The following SLC2A13 variants were observed in gnomAD, a reference collection of about 807,000 sequenced individuals.
SLC2A13 encodes the protein proton myo-inositol cotransporter.
Under a neutral mutation model 64.4 loss-of-function variants are expected in SLC2A13, and 32 were observed. That is an observed-to-expected ratio of 0.50 (90% confidence interval 0.37 to 0.67). SLC2A13 has a LOEUF of 0.67. SLC2A13 is among the 30% of genes least tolerant of loss of function. SLC2A13 has a pLI of 0.00. For missense variants in SLC2A13, 743 were observed against 829.2 expected (o/e 0.90, Z 1.28); for synonymous variants, 338 against 327.1 (o/e 1.03, Z -0.36).
intron 7 of SLC2A13, among the ~76,000 whole-genome samples, chr12:39,825,438 G>A (rs1275802262): frequency 6.6e-6 from 1 of 152,104 alleles, no homozygotes; most frequent in Non-Finnish European, 1.5e-5. Flanking sequence ...TATAAGAAGT[G>A]GACTTACTGG....
intron 1 of SLC2A13, among the ~76,000 whole-genome samples, chr12:40,085,777 C>T (rs1938570047): frequency 6.6e-6 from 1 of 152,124 alleles, no homozygotes; most frequent in Non-Finnish European, 1.5e-5. Context: ...CAAGCTCAAG[C>T]ATTAAGTGAC....
chr12:40,064,897 G>C (rs1937665234), intron 1 of SLC2A13, among the ~76,000 whole-genome samples: 1 of 151,978 alleles, frequency 6.6e-6, no homozygotes, highest in African/African-American at 2.4e-5. Context: ...TCATTTCAAA[G>C]AAAAATTATT....
intron 4 of SLC2A13, among the ~76,000 whole-genome samples, chr12:39,900,764 C>A (rs1271945319): frequency 6.6e-6 from 1 of 152,118 alleles, no homozygotes; most frequent in Non-Finnish European, 1.5e-5. Context: ...CCATACTGCC[C>A]AAGGTAATTT....
intron 3 of SLC2A13, among the ~76,000 whole-genome samples, chr12:39,987,989 T>C (rs1053173670): frequency 2.0e-5 from 3 of 152,166 alleles, no homozygotes; most frequent in South Asian, 2.1e-4. Context: ...AAATCATCAC[T>C]ATTAATTCTT....
At position 39,922,918 on chromosome 12, in the gene SLC2A13, A is replaced by G. The variant is rs144872718; in HGVS notation, c.1034+28339T>C. Among the ~76,000 whole-genome samples the G allele has an allele frequency of 2.0e-3, 300 of 152,180 alleles. 2 individuals are homozygous for G. The highest frequency in any genetic ancestry group is 6.8e-3 in the Middle Eastern group (2 of 294). On this transcript the variant is annotated intron_variant, in intron 4 of 9. Coordinates refer to ENST00000280871, the MANE Select transcript of SLC2A13 (RefSeq NM_052885.4). ...AGTATTTTCACCAAATACTGCCTCT[A>G]TTTTAAATAAGCTAGTCTTATCACT...
At chr12:40,095,088 G>A (rs1938895071) in intron 1 of SLC2A13, among the ~76,000 whole-genome samples, 1 of 152,182 alleles carries the variant, frequency 6.6e-6, no homozygotes, top group African/African-American at 2.4e-5. Flanking sequence ...TGTACTTCAT[G>A]TATCATGACC....
chr12:39,943,951 A>C (rs1946088847), intron 4 of SLC2A13, among the ~76,000 whole-genome samples: 1 of 152,162 alleles, frequency 6.6e-6, no homozygotes, highest in African/African-American at 2.4e-5. Flanking sequence ...CACCTGTAAC[A>C]CCAGCAAGAC....
intron 4 of SLC2A13, among the ~76,000 whole-genome samples, chr12:39,895,485 G>T (rs1944723287): frequency 1.7e-5 from 1 of 59,192 alleles, no homozygotes. Flanking sequence ...GCGAGACTCT[G>T]TCTCAAAAAA....
intron 1 of SLC2A13, among the ~76,000 whole-genome samples, chr12:40,096,327 T>C (rs1216822515): frequency 2.0e-5 from 3 of 152,108 alleles, no homozygotes; most frequent in Admixed American, 6.5e-5. Context: ...AAGAGTCTAT[T>C]TACTAACTGT....
intron 7 of SLC2A13, among the ~76,000 whole-genome samples, chr12:39,783,194 A>G (rs530204104): frequency 2.0e-5 from 3 of 152,350 alleles, no homozygotes; most frequent in African/African-American, 7.2e-5. Context: ...TACGAAGGAC[A>G]TGAACTCATC....
intron 4 of SLC2A13, among the ~76,000 whole-genome samples, chr12:39,941,120 C>CAT (rs56394315): frequency 0.026 from 3,932 of 149,568 alleles, 76 homozygotes; most frequent in South Asian, 0.075. Context: ...AGTATTCCAT[C>CAT]ATATATATAT....
chr12:39,920,091 T>C (rs1945589400), intron 4 of SLC2A13, among the ~76,000 whole-genome samples: 1 of 152,102 alleles, frequency 6.6e-6, no homozygotes. Flanking sequence ...GGAATTTACC[T>C]TCTTACATGC....
rs535503524 is a variant in SLC2A13 at position 39,810,040 on chromosome 12, G to T, written c.1445+20063C>A. Among the ~76,000 whole-genome samples the T allele has an allele frequency of 2.7e-3, 408 of 152,176 alleles. 2 individuals carry two copies. The highest frequency in any genetic ancestry group is 8.8e-3 in the African/African-American group (364 of 41,534). On this transcript the variant is annotated intron_variant, in intron 7 of 9. Coordinates refer to ENST00000280871, the MANE Select transcript of SLC2A13 (RefSeq NM_052885.4). ...TATACCCAGTAATGGGATGGCTGGGGCAAATGGTATTTCTAGTTCTAGATC... is the reference window on the plus strand; with the variant it reads ...TATACCCAGTAATGGGATGGCTGGGTCAAATGGTATTTCTAGTTCTAGATC...
Position 39,988,728 on chromosome 12 carries a change from AG to A in SLC2A13, c.926-37364del, listed in dbSNP as rs910462872. Among the ~76,000 whole-genome samples, 14 of 113,702 alleles carry A rather than the reference AG, an allele frequency of 1.2e-4. No homozygotes were observed. In the East Asian group the frequency reaches 2.6e-3, roughly 21 times the overall value. 74.6% of individuals were successfully genotyped at this position (113,702 alleles called of 152,430 possible). ...AAGGAAGGAAGGAAGGAAGGAAGGA[AG>A]GGGGGGAGGAAAATGCTGCTAAAGA... On this transcript the variant is annotated intron_variant, in intron 3 of 9. Coordinates refer to ENST00000280871, the MANE Select transcript of SLC2A13 (RefSeq NM_052885.4).
At chr12:39,933,371 G>A (rs1170303006) in intron 4 of SLC2A13, among the ~76,000 whole-genome samples, 3 of 152,226 alleles carry the variant, frequency 2.0e-5, no homozygotes, top group Non-Finnish European at 4.4e-5. Flanking sequence ...GCCAGCTATT[G>A]CAGTAAGTGA....
chr12:39,833,892 TA>T (rs1161840484), intron 6 of SLC2A13, among the ~76,000 whole-genome samples: 3,869 of 88,384 alleles, frequency 0.044, 81 homozygotes, highest in African/African-American at 0.11. Context: ...AGCATGGTCA[TA>T]AAAAAAAAAA....
At chr12:40,045,969 T>C (rs1175470497) in intron 2 of SLC2A13, among the ~76,000 whole-genome samples, 1 of 152,222 alleles carries the variant, frequency 6.6e-6, no homozygotes, top group Non-Finnish European at 1.5e-5. Context: ...TAACACAGAA[T>C]GTTGATTTTC....
intron 3 of SLC2A13, among the ~76,000 whole-genome samples, chr12:39,980,613 A>T (rs1946872940): frequency 2.7e-5 from 4 of 150,380 alleles, no homozygotes; most frequent in African/African-American, 7.3e-5. Context: ...CAATTCAACA[A>T]GAGGAGCTAA....
chr12:39,853,215 T>G (rs1469292314), intron 6 of SLC2A13, among the ~76,000 whole-genome samples: 2 of 152,168 alleles, frequency 1.3e-5, no homozygotes, highest in Non-Finnish European at 2.9e-5. Flanking sequence ...CTCTGTGTCT[T>G]CTTTGCTCTC....
Sources: allele counts gnomAD v4.1 joint callset (sites outside exome capture counted in the v4.1 genomes callset), GRCh38; gene constraint gnomAD v4.1.1; transcripts MANE v1.5; gene names NCBI Gene and HGNC (gene_info 2026-07-23, HGNC 2026-07-21).